Variants in STXBP6 observed in about 807,000 individuals in gnomAD.
STXBP6 encodes syntaxin-binding protein 6.
In STXBP6, 21 loss-of-function variants were observed where a neutral mutation model predicts 26.9. The ratio of observed to expected loss-of-function variants is 0.78; its 90% CI spans 0.55 to 1.12. STXBP6 has a LOEUF of 1.12. STXBP6 is among the 50% of genes most tolerant of loss of function. The pLI, the probability that STXBP6 is intolerant of heterozygous loss-of-function variation, is 0.00. For synonymous variants in STXBP6, 97 were observed against 92.6 expected, an observed-to-expected ratio of 1.05 and a Z score of -0.27; for missense variants, 232 against 257.9, an observed-to-expected ratio of 0.90 and a Z score of 0.69.
At position 24,922,982 on chromosome 14, in the gene STXBP6, A is replaced by G. The variant is rs894498216; in HGVS notation, c.154+51683T>C. On this transcript the variant is annotated intron_variant, in intron 2 of 5. Transcript: ENST00000323944. ...TTTTGCTTACATTTTAATGTATAAT[A>G]TGAAATATTTCCAACATTGAAAAAG... Among the ~76,000 whole-genome samples, 7 of 152,106 alleles carry G rather than the reference A, an allele frequency of 4.6e-5. 2 individuals carry two copies. The highest frequency in any genetic ancestry group is 3.9e-4 in the Admixed American group (6 of 15,264).
intron 5 of STXBP6, chr14:24,818,208 C>A: frequency 2.3e-6 from 1 of 444,194 alleles, no homozygotes. Flanking sequence ...AACCACTAAC[C>A]AGAAAAAAAA....
chr14:25,007,392 A>G (rs2074927317), intron 1 of STXBP6, among the ~76,000 whole-genome samples: 1 of 152,228 alleles, frequency 6.6e-6, no homozygotes, highest in Non-Finnish European at 1.5e-5. Context: ...TAACTATGAC[A>G]GCACAGTCAG....
rs535823763 is a variant in STXBP6, at chr14:25,035,026, C to T, written c.-33+14852G>A. ...ATTAGTTGGGAATGGAGGCGTGCACCTATAATCCCAGCTACTCGGGAGGGT... is the reference window on the plus strand; with the variant it reads ...ATTAGTTGGGAATGGAGGCGTGCACTTATAATCCCAGCTACTCGGGAGGGT... On this transcript the variant is annotated intron_variant, in intron 1 of 5. Transcript: ENST00000323944. 1.1e-4 allele frequency among the ~76,000 whole-genome samples: 16 copies of T among 152,076 alleles called. No homozygotes were observed. In the South Asian group the frequency reaches 3.3e-3, roughly 32 times the overall value.
intron 2 of STXBP6, among the ~76,000 whole-genome samples, chr14:24,857,889 G>A (rs1250725970): frequency 3.3e-5 from 5 of 151,934 alleles, no homozygotes; most frequent in Non-Finnish European, 7.4e-5. Context: ...ACCAGGAGAG[G>A]CACTCTGAAT....
intron 2 of STXBP6, among the ~76,000 whole-genome samples, chr14:24,909,573 G>A (rs1348596129): frequency 2.6e-5 from 4 of 151,946 alleles, no homozygotes; most frequent in African/African-American, 9.7e-5. Flanking sequence ...TTGAGTCCAA[G>A]AGTTCAAGTC....
In STXBP6 at chr14:25,049,650, C is replaced by T. The variant is rs564747561; in HGVS notation, c.-33+228G>A. ...CCAGGGTTGGAGAGAACCAGGGACACGAGTCCCTCTCTGCGCGCACAAAGC... is the reference window on the plus strand; with the variant it reads ...CCAGGGTTGGAGAGAACCAGGGACATGAGTCCCTCTCTGCGCGCACAAAGC... On this transcript the variant is annotated intron_variant, in intron 1 of 5. Coordinates refer to ENST00000323944, the MANE Select transcript of STXBP6 (RefSeq NM_001394410.1). This position sits in a 1 kb window ranked among gnomAD's most constrained non-coding sequence, Gnocchi z 5.6. The T allele has an allele frequency of 1.6e-4, 162 of 985,404 alleles. No individual in the cohort carries two copies. Among genetic ancestry groups the T allele is most frequent in the South Asian group, 2.8e-4 (6 of 21,288 alleles). The allele number at this position is 985,404 out of a possible 1,614,324, so 61.0% of individuals were successfully genotyped here.
intron 2 of STXBP6, among the ~76,000 whole-genome samples, chr14:24,945,666 C>G (rs2072963473): frequency 6.6e-6 from 1 of 151,986 alleles, no homozygotes; most frequent in Admixed American, 6.6e-5. Flanking sequence ...ATAGATGAGC[C>G]CTTCCTTGAA....
intron 1 of STXBP6, among the ~76,000 whole-genome samples, chr14:25,033,123 C>A (rs1387240836): frequency 6.6e-6 from 1 of 152,142 alleles, no homozygotes; most frequent in Non-Finnish European, 1.5e-5. Context: ...AAGATCTTGA[C>A]TATAGTCTAC....
At chr14:24,855,253 G>A (rs2069288098) in intron 4 of STXBP6, among the ~76,000 whole-genome samples, 1 of 152,106 alleles carries the variant, frequency 6.6e-6, no homozygotes, top group African/African-American at 2.4e-5. Context: ...CCAAGAGACA[G>A]GTCAGTGAAA....
At chr14:24,964,007 A>G (rs867992964) in intron 2 of STXBP6, among the ~76,000 whole-genome samples, 1 of 149,440 alleles carries the variant, frequency 6.7e-6, no homozygotes, top group African/African-American at 2.5e-5. Context: ...CAAAACAAGT[A>G]CCAGCCACTA....
At chr14:24,876,219 A>G (rs368201483) in intron 2 of STXBP6, among the ~76,000 whole-genome samples, 17 of 152,332 alleles carry the variant, frequency 1.1e-4, no homozygotes, top group African/African-American at 3.8e-4. Flanking sequence ...GTACAGAAAT[A>G]AAGCCAGCCA....
At chr14:24,818,828 G>T (rs565211390) in intron 5 of STXBP6, among the ~76,000 whole-genome samples, 37 of 152,286 alleles carry the variant, frequency 2.4e-4, no homozygotes, top group African/African-American at 8.4e-4. Context: ...AGATACGGCT[G>T]AGGACATTAG....
At chr14:24,894,027 A>G (rs2070885482) in intron 2 of STXBP6, among the ~76,000 whole-genome samples, 1 of 152,232 alleles carries the variant, frequency 6.6e-6, no homozygotes, top group South Asian at 2.1e-4. Context: ...TGTGTTATAC[A>G]GGTTCTATGG....
chr14:24,846,441 C>T (rs1362042072), intron 4 of STXBP6, among the ~76,000 whole-genome samples: 1 of 152,132 alleles, frequency 6.6e-6, no homozygotes, highest in African/African-American at 2.4e-5. Flanking sequence ...TCTCCCAAAG[C>T]CCTTATAATC....
At chr14:25,012,184 C>A (rs547565526) in intron 1 of STXBP6, among the ~76,000 whole-genome samples, 1 of 152,232 alleles carries the variant, frequency 6.6e-6, no homozygotes, top group African/African-American at 2.4e-5. Context: ...TATAAGGCCA[C>A]AAGTGATTAT....
intron 1 of STXBP6, among the ~76,000 whole-genome samples, chr14:24,991,760 C>T (rs1210143953): frequency 6.6e-6 from 1 of 152,216 alleles, no homozygotes; most frequent in African/African-American, 2.4e-5. Context: ...ACTTTGGTGA[C>T]AGATAAGTAC....
At chr14:24,912,576 T>C (rs2071613805) in intron 2 of STXBP6, among the ~76,000 whole-genome samples, 2 of 152,216 alleles carry the variant, frequency 1.3e-5, no homozygotes, top group African/African-American at 4.8e-5. Flanking sequence ...AGCCTTACTT[T>C]AAGTGCATAC....
intron 1 of STXBP6, chr14:24,987,852 A>C (rs1250723561): frequency 1.0e-6 from 1 of 985,440 alleles, no homozygotes; most frequent in African/African-American, 1.7e-5. Context: ...ATGGACAAAG[A>C]GCAGAGCAAA....
chr14:25,001,720 C>T (rs1423188941), intron 1 of STXBP6, among the ~76,000 whole-genome samples: 2 of 152,168 alleles, frequency 1.3e-5, no homozygotes, highest in South Asian at 4.1e-4. Context: ...AAAATCTGGG[C>T]TCGATCATTA....
Sources: allele counts gnomAD v4.1 joint callset (sites outside exome capture counted in the v4.1 genomes callset), GRCh38; gene constraint gnomAD v4.1.1; non-coding constraint Gnocchi (gnomAD v3.1); transcripts MANE v1.5; gene names NCBI Gene and HGNC (gene_info 2026-07-23, HGNC 2026-07-21).